ZDHHC7: variants seen among roughly 807,000 people sequenced by gnomAD.
The protein encoded by ZDHHC7 is palmitoyltransferase ZDHHC7.
A neutral mutation model predicts 34.1 loss-of-function variants in ZDHHC7; 12 were observed. The ratio of observed to expected loss-of-function variants is 0.35; its 90% CI spans 0.23 to 0.57. The LOEUF is 0.57. ZDHHC7 is among the 20% of genes least tolerant of loss of function. The pLI is 0.84. For synonymous variants in ZDHHC7, 185 were observed against 155.4 expected, an observed-to-expected ratio of 1.19 and a Z score of -1.42; for missense variants, 388 against 402.7, an observed-to-expected ratio of 0.96 and a Z score of 0.31.
At chr16:85,016,737 G>A in the ZDHHC7 span, among the ~76,000 whole-genome samples, 1 of 152,044 alleles carries the variant, frequency 6.6e-6, no homozygotes, top group African/African-American at 2.4e-5. Context: ...TGGGATTACA[G>A]GCATGAGCCA....
chr16:85,004,945 GA>G (rs1255643916), intron 1 of ZDHHC7: 2 of 152,236 alleles, frequency 1.3e-5, no homozygotes, highest in African/African-American at 4.8e-5. Flanking sequence ...TTCAGGTCCA[GA>G]AAACATGTGC....
At chr16:85,017,067 A>C in the ZDHHC7 span, among the ~76,000 whole-genome samples, 1 of 151,346 alleles carries the variant, frequency 6.6e-6, no homozygotes, top group Non-Finnish European at 1.5e-5. Flanking sequence ...TCAGCCTCCC[A>C]AGTGCTGGGA....
intron 2 of ZDHHC7, among the ~76,000 whole-genome samples, chr16:84,994,830 T>C (rs2072555500): frequency 6.6e-6 from 1 of 152,224 alleles, no homozygotes; most frequent in Non-Finnish European, 1.5e-5. Flanking sequence ...AAAACTGCTT[T>C]ATTTTCAACA....
At chr16:85,019,237 C>T in the ZDHHC7 span, among the ~76,000 whole-genome samples, 16 of 152,218 alleles carry the variant, frequency 1.1e-4, no homozygotes, top group Non-Finnish European at 1.6e-4. Context: ...CCACATCTCA[C>T]GTCTCACCTG....
intron 4 of ZDHHC7, 88 bp downstream of exon 4, chr16:84,981,782 A>G: frequency 6.2e-7 from 1 of 1,602,854 alleles, no homozygotes; most frequent in African/African-American, 1.3e-5. Flanking sequence ...CCATGTACCT[A>G]CGGTGGTGGG....
rs2072276440 is a variant in ZDHHC7 at position 84,975,025 on chromosome 16, T to C, written c.*1318A>G. On this transcript the variant is annotated 3_prime_UTR_variant, in exon 8 of 8. Transcript: ENST00000313732. ...GAAGACCCTCAGACTTTGTCACAGA[T>C]TGCTTCTTGATGCGTCCGGCAAAAA... 2 of 152,676 alleles carry C rather than the reference T, an allele frequency of 1.3e-5. No individual in the cohort carries two copies. The highest frequency in any genetic ancestry group is 4.1e-4 in the South Asian group (2 of 4,834). The allele number at this position is 152,676 out of a possible 1,614,324, so 9.5% of individuals were successfully genotyped here.
upstream of ZDHHC7, among the ~76,000 whole-genome samples, chr16:85,014,130 C>T (rs545697312): frequency 6.6e-6 from 1 of 152,264 alleles, no homozygotes; most frequent in South Asian, 2.1e-4. Flanking sequence ...TGGAGGGATC[C>T]TCACCACATA....
At chr16:84,979,903 G>A (rs562134371) in intron 4 of ZDHHC7, among the ~76,000 whole-genome samples, 4 of 150,206 alleles carry the variant, frequency 2.7e-5, no homozygotes, top group African/African-American at 4.9e-5. Context: ...AGCAGACATC[G>A]ATGGCAGCAG....
the ZDHHC7 span, among the ~76,000 whole-genome samples, chr16:85,020,262 G>C: frequency 6.6e-6 from 1 of 152,114 alleles, no homozygotes; most frequent in Non-Finnish European, 1.5e-5. Context: ...TCCTCATCTT[G>C]TCTACCTTCT....
intron 4 of ZDHHC7, among the ~76,000 whole-genome samples, chr16:84,980,122 G>A (rs1381003314): frequency 1.3e-5 from 2 of 151,228 alleles, no homozygotes; most frequent in African/African-American, 4.9e-5. Context: ...CACCATGCCC[G>A]GCTAATTTTT....
chr16:84,982,601 A>C (rs1016666335), intron 3 of ZDHHC7, among the ~76,000 whole-genome samples: 10 of 152,166 alleles, frequency 6.6e-5, no homozygotes, highest in Non-Finnish European at 1.5e-4. Context: ...ACAAAGAACA[A>C]AACAATCTCA....
intron 1 of ZDHHC7, among the ~76,000 whole-genome samples, chr16:85,006,930 A>C (rs986316080): frequency 6.6e-6 from 1 of 151,774 alleles, no homozygotes; most frequent in African/African-American, 2.4e-5. Flanking sequence ...GTTTCCTCCA[A>C]TTAGAATTCT....
At chr16:85,006,614 C>T (rs1425936838) in intron 1 of ZDHHC7, among the ~76,000 whole-genome samples, 1 of 151,126 alleles carries the variant, frequency 6.6e-6, no homozygotes, top group South Asian at 2.1e-4. Context: ...GTGGCATGCA[C>T]CTGTAGCCCC....
intron 1 of ZDHHC7, among the ~76,000 whole-genome samples, chr16:85,009,601 C>A (rs2072761755): frequency 1.3e-5 from 2 of 152,174 alleles, no homozygotes; most frequent in African/African-American, 4.8e-5. Context: ...GGCCCCTAAC[C>A]TATTTTCCAG....
In ZDHHC7 at chr16:84,981,028, A is replaced by AC. The variant is rs112806442; in HGVS notation, c.440+841dup. On this transcript the variant is annotated intron_variant, in intron 4 of 7. Transcript: ENST00000313732. The stretch of plus-strand genomic sequence containing the variant: ...TTCCAGCCTATTCAAGCAGGCCACG[A>AC]CCCCCCAGGAGAAGGGCACTGTCCA... Among the ~76,000 whole-genome samples the AC allele has an allele frequency of 5.1e-3, 771 of 152,180 alleles. 7 individuals carry two copies. Among genetic ancestry groups the AC allele is most frequent in the African/African-American group, 0.018 (740 of 41,500 alleles).
chr16:85,023,131 G>T, the ZDHHC7 span, among the ~76,000 whole-genome samples: 1 of 151,084 alleles, frequency 6.6e-6, no homozygotes, highest in Non-Finnish European at 1.5e-5. Flanking sequence ...CTCCAGAACT[G>T]TAAGATAATA....
At chr16:85,013,490 A>C (rs2072820584), upstream of ZDHHC7, among the ~76,000 whole-genome samples, 1 of 151,926 alleles carries the variant, frequency 6.6e-6, no homozygotes, top group Non-Finnish European at 1.5e-5. Context: ...TGATCCACCC[A>C]CCTTGGCCTC....
chr16:84,994,989 A>C (rs1284950701), intron 2 of ZDHHC7, among the ~76,000 whole-genome samples: 1 of 152,200 alleles, frequency 6.6e-6, no homozygotes, highest in Non-Finnish European at 1.5e-5. Flanking sequence ...ATTCCTTTAC[A>C]TGGAAGCTAA....
intron 1 of ZDHHC7, among the ~76,000 whole-genome samples, chr16:85,005,959 A>G (rs767358636): frequency 6.6e-6 from 1 of 152,088 alleles, no homozygotes; most frequent in Non-Finnish European, 1.5e-5. Flanking sequence ...CCTTTCCCAC[A>G]ACCCAAATTT....
Sources: gnomAD v4.1 joint callset for allele counts (sites outside exome capture counted in the v4.1 genomes callset) on GRCh38, gnomAD v4.1.1 for gene constraint, MANE v1.5 for transcripts, NCBI Gene and HGNC (gene_info 2026-07-23, HGNC 2026-07-21) for gene names.